FARS2: variants seen among roughly 807,000 people sequenced by gnomAD.
The protein encoded by FARS2 is phenylalanyl-tRNA synthetase 2, mitochondrial, also known as phenylalanine--tRNA ligase, mitochondrial.
A neutral mutation model predicts 46.4 loss-of-function variants in FARS2; 40 were observed. The ratio of observed to expected loss-of-function variants is 0.86; its 90% CI spans 0.67 to 1.12. FARS2 has a LOEUF of 1.12. FARS2 is among the 50% of genes most tolerant of loss of function. FARS2 has a pLI of 0.00. For missense variants in FARS2, 513 were observed against 567.9 expected (o/e 0.90, Z 0.98); for synonymous variants, 234 against 214.9 (o/e 1.09, Z -0.78).
At chr6:5,540,083 C>T (rs535442954) in intron 4 of FARS2, among the ~76,000 whole-genome samples, 66 of 152,314 alleles carry the variant, frequency 4.3e-4, no homozygotes, top group Non-Finnish European at 6.9e-4. Context: ...TGTTTTTCAC[C>T]TGTCCCGCTT....
intron 4 of FARS2, among the ~76,000 whole-genome samples, chr6:5,462,270 A>G (rs1295727411): frequency 1.3e-5 from 2 of 152,090 alleles, no homozygotes; most frequent in Admixed American, 1.3e-4. Flanking sequence ...TTCAGTTGTA[A>G]GAGTTCTTTA....
rs113395105 is a variant in FARS2 at position 5,278,531 on chromosome 6, C to G, written c.-22+16871C>G. Among the ~76,000 whole-genome samples the G allele has an allele frequency of 3.6e-3, 548 of 152,104 alleles. 5 individuals are homozygous for G. Among genetic ancestry groups the G allele is most frequent in the African/African-American group, 0.012 (496 of 41,494 alleles). ...AATGGCGTACTTTATTTGAAAGAAG[C>G]CTTATTTTTATTAGTAAAATACTTG... On this transcript the variant is annotated intron_variant, in intron 1 of 6. Coordinates refer to ENST00000274680, the MANE Select transcript of FARS2 (RefSeq NM_006567.5).
chr6:5,609,335 G>A, intron 5 of FARS2: 2 of 1,185,162 alleles, frequency 1.7e-6, no homozygotes, highest in Non-Finnish European at 2.5e-6. Context: ...AGGGACCAGA[G>A]CTTCTGCCTC....
At chr6:5,492,687 T>C (rs1767195632) in intron 4 of FARS2, among the ~76,000 whole-genome samples, 1 of 152,258 alleles carries the variant, frequency 6.6e-6, no homozygotes, top group African/African-American at 2.4e-5. Context: ...CCTACCATGT[T>C]CTGGGCCTAG....
rs1236460711 is a variant in FARS2 at position 5,592,903 on chromosome 6, G to A, written c.1066-20266G>A. Among the ~76,000 whole-genome samples, 4 of 152,210 alleles carry A rather than the reference G, an allele frequency of 2.6e-5. No individual in the cohort carries two copies. In the East Asian group the frequency reaches 5.8e-4, roughly 22 times the overall value. On this transcript the variant is annotated intron_variant, in intron 5 of 6. Transcript: ENST00000274680. ...CTTGAAGTCACAGCTGGTGGCATGA[G>A]GGACCAACCATCCATCACACTGGGC... is the stretch of plus-strand genomic sequence containing the variant.
intron 2 of FARS2, among the ~76,000 whole-genome samples, chr6:5,381,623 A>G (rs1045790769): frequency 6.6e-6 from 1 of 152,162 alleles, no homozygotes. Context: ...CTCTTTCCAC[A>G]TCTGCCACTT....
intron 4 of FARS2, among the ~76,000 whole-genome samples, chr6:5,489,836 G>T (rs34670959): frequency 0.13 from 20,166 of 152,136 alleles, 1,550 homozygotes; most frequent in Non-Finnish European, 0.17. Flanking sequence ...TTATAAAATT[G>T]TAATAAATTG....
intron 4 of FARS2, among the ~76,000 whole-genome samples, chr6:5,540,307 T>G (rs1291226222): frequency 6.6e-6 from 1 of 152,252 alleles, no homozygotes; most frequent in Non-Finnish European, 1.5e-5. Flanking sequence ...AGATGGTATT[T>G]ATTCCCTTCA....
intron 4 of FARS2, among the ~76,000 whole-genome samples, chr6:5,481,291 A>AG (rs1319321266): frequency 6.6e-6 from 1 of 152,206 alleles, no homozygotes; most frequent in African/African-American, 2.4e-5. Context: ...TAGGCAGGGA[A>AG]GGGGGAGGGG....
intron 2 of FARS2, among the ~76,000 whole-genome samples, chr6:5,391,712 C>T (rs1760531593): frequency 6.6e-6 from 1 of 152,142 alleles, no homozygotes; most frequent in African/African-American, 2.4e-5. Flanking sequence ...GCAAATTCTT[C>T]TTCTGTCCGT....
Position 5,435,961 on chromosome 6 carries a change from G to C in FARS2, c.904+4789G>C, listed in dbSNP as rs140544981. Among the ~76,000 whole-genome samples, 15 of 152,244 alleles carry C rather than the reference G, an allele frequency of 9.9e-5. No individual in the cohort carries two copies. In the East Asian group the frequency reaches 2.9e-3, roughly 29 times the overall value. On this transcript the variant is annotated intron_variant, in intron 4 of 6. Coordinates refer to ENST00000274680, the MANE Select transcript of FARS2 (RefSeq NM_006567.5). ...TTCCGGTTTTGAAGGATCATTATTG[G>C]CTTGCTTATCAAATATTTCTTCAAA...
At chr6:5,661,139 A>G (rs1265398352) in intron 6 of FARS2, among the ~76,000 whole-genome samples, 1 of 152,138 alleles carries the variant, frequency 6.6e-6, no homozygotes, top group African/African-American at 2.4e-5. Flanking sequence ...ATAAAACCCA[A>G]AATTTCTACA....
intron 6 of FARS2, among the ~76,000 whole-genome samples, chr6:5,719,720 C>T (rs1759766138): frequency 6.6e-6 from 1 of 152,206 alleles, no homozygotes; most frequent in East Asian, 1.9e-4. Context: ...TGGTGTGACA[C>T]TAACAGAGAG....
chr6:5,379,549 C>T (rs72815663), intron 2 of FARS2, among the ~76,000 whole-genome samples: 2,912 of 152,230 alleles, frequency 0.019, 39 homozygotes, highest in Non-Finnish European at 0.029. Flanking sequence ...TCCTCCTTCC[C>T]GCAGCTGTGG....
intron 1 of FARS2, among the ~76,000 whole-genome samples, chr6:5,289,567 G>C (rs139598928): frequency 6.6e-6 from 1 of 152,198 alleles, no homozygotes; most frequent in African/African-American, 2.4e-5. Context: ...TTGCGGAAAG[G>C]GACTAATGAG....
At chr6:5,392,380 T>A (rs958457542) in intron 2 of FARS2, among the ~76,000 whole-genome samples, 1 of 152,192 alleles carries the variant, frequency 6.6e-6, no homozygotes, top group South Asian at 2.1e-4. Flanking sequence ...TTACTGTGTT[T>A]TACAGTTATA....
chr6:5,438,010 A>C (rs1763623429), intron 4 of FARS2, among the ~76,000 whole-genome samples: 1 of 151,974 alleles, frequency 6.6e-6, no homozygotes, highest in South Asian at 2.1e-4. Flanking sequence ...AGTTTGAAGG[A>C]TGTTTTTATT....
intron 2 of FARS2, among the ~76,000 whole-genome samples, chr6:5,401,809 T>G (rs1761272296): frequency 6.6e-6 from 1 of 152,166 alleles, no homozygotes; most frequent in Non-Finnish European, 1.5e-5. Context: ...TTCCGTGTTG[T>G]TTTTGAAGAA....
intron 4 of FARS2, among the ~76,000 whole-genome samples, chr6:5,462,119 G>A (rs770972726): frequency 5.9e-5 from 9 of 152,096 alleles, no homozygotes; most frequent in Admixed American, 1.3e-4. Flanking sequence ...TTTGTATCTC[G>A]TTAGTTTTAC....
Sources: allele counts gnomAD v4.1 joint callset (sites outside exome capture counted in the v4.1 genomes callset), GRCh38; gene constraint gnomAD v4.1.1; transcripts MANE v1.5; gene names NCBI Gene and HGNC (gene_info 2026-07-23, HGNC 2026-07-21).